QTMAN: variants seen among roughly 807,000 people sequenced by gnomAD.
The protein encoded by QTMAN is tRNA-queuosine alpha-mannosyltransferase.
the QTMAN span, chr2:144,178,677 C>T: frequency 1.4e-5 from 3 of 222,080 alleles, no homozygotes; most frequent in South Asian, 1.8e-4. Flanking sequence ...AGCACCTACC[C>T]TATACCATAA....
At chr2:144,107,868 A>T in the QTMAN span, among the ~76,000 whole-genome samples, 2 of 152,234 alleles carry the variant, frequency 1.3e-5, no homozygotes, top group African/African-American at 4.8e-5. Context: ...AAATACTGGC[A>T]AACCGAATCC....
the QTMAN span, chr2:144,211,456 G>A: frequency 3.3e-5 from 5 of 152,436 alleles, no homozygotes; most frequent in Non-Finnish European, 5.9e-5. Flanking sequence ...TTTGATTCAC[G>A]GAAATTTGTT....
chr2:144,017,940 G>A, the QTMAN span, among the ~76,000 whole-genome samples: 2 of 152,026 alleles, frequency 1.3e-5, no homozygotes, highest in Admixed American at 6.5e-5. Flanking sequence ...TACTTTTAAT[G>A]TTATCTTCTT....
chr2:144,082,570 C>T, the QTMAN span, among the ~76,000 whole-genome samples: 3 of 151,750 alleles, frequency 2.0e-5, no homozygotes, highest in South Asian at 2.1e-4. Context: ...AGCAGAAGTA[C>T]AAAAAGGTTG....
At chr2:144,066,086 G>T in the QTMAN span, among the ~76,000 whole-genome samples, 3 of 152,054 alleles carry the variant, frequency 2.0e-5, no homozygotes, top group African/African-American at 7.2e-5. Flanking sequence ...TCTGCATGCT[G>T]TGGATTCTTG....
the QTMAN span, among the ~76,000 whole-genome samples, chr2:144,109,504 G>C: frequency 6.6e-6 from 1 of 152,056 alleles, no homozygotes; most frequent in African/African-American, 2.4e-5. Flanking sequence ...TTCATGTTCA[G>C]AACACCAAAA....
the QTMAN span, among the ~76,000 whole-genome samples, chr2:144,105,979 C>T: frequency 1.3e-4 from 20 of 152,228 alleles, no homozygotes; most frequent in Non-Finnish European, 2.2e-4. Context: ...TAATTTTCAA[C>T]CCAGAATTTC....
chr2:144,081,552 T>C, the QTMAN span, among the ~76,000 whole-genome samples: 1 of 152,022 alleles, frequency 6.6e-6, no homozygotes. Context: ...TCACAGGGCT[T>C]GTACACTATG....
the QTMAN span, among the ~76,000 whole-genome samples, chr2:144,145,229 A>G: frequency 2.0e-5 from 3 of 151,852 alleles, no homozygotes; most frequent in African/African-American, 7.2e-5. Flanking sequence ...ATCGTGATTA[A>G]TAAGTAAGAG....
the QTMAN span, among the ~76,000 whole-genome samples, chr2:144,331,627 ACT>A: frequency 1.3e-5 from 2 of 152,000 alleles, no homozygotes; most frequent in Non-Finnish European, 2.9e-5. Flanking sequence ...TTGTCAGAAG[ACT>A]CTAAAAGTTG....
At chr2:144,047,832 T>C in the QTMAN span, among the ~76,000 whole-genome samples, 1 of 152,222 alleles carries the variant, frequency 6.6e-6, no homozygotes, top group Non-Finnish European at 1.5e-5. Context: ...GTTAACCTGA[T>C]GTGCCATCAA....
chr2:144,063,502 C>A, the QTMAN span, among the ~76,000 whole-genome samples: 1 of 151,992 alleles, frequency 6.6e-6, no homozygotes, highest in African/African-American at 2.4e-5. Flanking sequence ...TAATAAAGTT[C>A]TTTGGAATTT....
At chr2:144,136,171 T>A in the QTMAN span, among the ~76,000 whole-genome samples, 1 of 151,320 alleles carries the variant, frequency 6.6e-6, no homozygotes, top group South Asian at 2.1e-4. Context: ...ACAAAAAAAT[T>A]AAAAAATTAG....
chr2:144,227,243 T>C, the QTMAN span, among the ~76,000 whole-genome samples: 1 of 152,142 alleles, frequency 6.6e-6, no homozygotes, highest in African/African-American at 2.4e-5. Flanking sequence ...GATCTTAACA[T>C]ATAAGTACTA....
chr2:143,976,966 A>G, the QTMAN span, among the ~76,000 whole-genome samples: 4 of 152,220 alleles, frequency 2.6e-5, no homozygotes, highest in Middle Eastern at 3.2e-3. Flanking sequence ...CAGATACATT[A>G]TATAACCGTG....
At chr2:144,227,624 T>C in the QTMAN span, among the ~76,000 whole-genome samples, 3 of 152,210 alleles carry the variant, frequency 2.0e-5, no homozygotes, top group Non-Finnish European at 4.4e-5. Flanking sequence ...TTACAGTTCC[T>C]GTCCTCAGAC....
At chr2:144,258,151 T>C in the QTMAN span, among the ~76,000 whole-genome samples, 6 of 139,126 alleles carry the variant, frequency 4.3e-5, no homozygotes, top group Non-Finnish European at 4.7e-5. Context: ...GAAATGGAAA[T>C]ACAAAGATAT....
chr2:144,086,125 G>A, the QTMAN span, among the ~76,000 whole-genome samples: 1 of 152,040 alleles, frequency 6.6e-6, no homozygotes, highest in Non-Finnish European at 1.5e-5. Flanking sequence ...TTTTCTTGCT[G>A]TTAAAAAAAG....
the QTMAN span, among the ~76,000 whole-genome samples, chr2:144,156,222 T>C: frequency 5.9e-5 from 9 of 152,154 alleles, no homozygotes. Flanking sequence ...TCACGACAGT[T>C]CTTTGAAATC....
Sources: gnomAD v4.1 joint callset for allele counts (sites outside exome capture counted in the v4.1 genomes callset) on GRCh38, gnomAD v4.1.1 for gene constraint, MANE v1.5 for transcripts, NCBI Gene and HGNC (gene_info 2026-07-23, HGNC 2026-07-21) for gene names.